Variants in ZFYVE28 observed in about 807,000 individuals in gnomAD.
ZFYVE28 encodes the protein zinc finger FYVE-type containing 28.
ZFYVE28 carries 40 observed loss-of-function variants against 82.1 expected under a neutral mutation model. That is an observed-to-expected ratio of 0.49 (90% CI 0.38 to 0.63). The LOEUF is 0.63. Among genes scored for constraint, ZFYVE28 ranks in the 30% least tolerant of loss-of-function variants. The probability of loss-of-function intolerance (pLI) is 0.00; values close to 1 mark genes in which losing one functional copy is unlikely to be tolerated. For missense variants in ZFYVE28, 1,321 were observed against 1,242.1 expected, an observed-to-expected ratio of 1.06 and a Z score of -0.96; for synonymous variants, 612 against 546.1, an observed-to-expected ratio of 1.12 and a Z score of -1.68.
At chr4:2,345,165 A>C (rs1723356534) in intron 2 of ZFYVE28, among the ~76,000 whole-genome samples, 2 of 152,238 alleles carry the variant, frequency 1.3e-5, no homozygotes, top group South Asian at 4.2e-4. Flanking sequence ...ACACCACTGC[A>C]CTCCAGACTG....
rs1725130179 is a variant in ZFYVE28, at chr4:2,355,264, ATATATAT to A, written c.40-1198_40-1192del. Among the ~76,000 whole-genome samples, 22 of 14,428 alleles carry A rather than the reference ATATATAT, an allele frequency of 1.5e-3. 2 individuals carry two copies. Among genetic ancestry groups the A allele is most frequent in the African/African-American group, 2.0e-3 (6 of 3,072 alleles). The allele number at this position is 14,428 out of a possible 152,430, so 9.5% of individuals were successfully genotyped here. A position where few individuals can be genotyped will look rare whatever the true frequency, so the allele number is the denominator to read the frequency against. ...TATATATATATATATATATATATAT[ATATATAT>A]AATGATTCTTCTTTTTTTTTTTTTT... On this transcript the variant is annotated intron_variant, in intron 1 of 12. Transcript: ENST00000290974.
chr4:2,278,063 A>G (rs1159483916), intron 8 of ZFYVE28, among the ~76,000 whole-genome samples: 4 of 152,218 alleles, frequency 2.6e-5, no homozygotes, highest in South Asian at 2.1e-4. Context: ...GCCAAGACCA[A>G]CCAGGAAAGA....
At chr4:2,350,882 C>T (rs1368306608) in intron 2 of ZFYVE28, among the ~76,000 whole-genome samples, 4 of 152,250 alleles carry the variant, frequency 2.6e-5, no homozygotes, top group East Asian at 1.9e-4. Context: ...GAAGCTCCTG[C>T]CCTTGGGACC....
rs556484921 is a variant in ZFYVE28 at position 2,323,589 on chromosome 4, T to A, written c.702-3318A>T. Reference sequence around the variant, plus strand: ...TTAAGTTTTAGGGTACATGTGCACATTGTGCAGGTTAGTTACATATGTATA... The same window carrying A: ...TTAAGTTTTAGGGTACATGTGCACAATGTGCAGGTTAGTTACATATGTATA... On this transcript the variant is annotated intron_variant, in intron 6 of 12. Coordinates refer to ENST00000290974, the MANE Select transcript of ZFYVE28 (RefSeq NM_020972.3). 2.6e-5 allele frequency among the ~76,000 whole-genome samples: 4 copies of A among 151,908 alleles called. No individual in the cohort carries two copies. In the South Asian group the frequency reaches 6.2e-4, roughly 24 times the overall value.
chr4:2,326,682 A>T (rs938030302), intron 6 of ZFYVE28, among the ~76,000 whole-genome samples: 2 of 152,192 alleles, frequency 1.3e-5, no homozygotes, highest in African/African-American at 4.8e-5. Context: ...AACATGGAAT[A>T]TCTTTGTCTT....
chr4:2,308,683 G>GAAAGAGAGAGAAAGAAAGA (rs1553830775), intron 7 of ZFYVE28, among the ~76,000 whole-genome samples: 3 of 81,512 alleles, frequency 3.7e-5, no homozygotes, highest in Admixed American at 1.3e-4. Flanking sequence ...GAAAGAGAAA[G>GAAAGAGAGAGAAAGAAAGA]AAAGAAAAGA....
At chr4:2,391,893 GC>G (rs1181567333) in intron 1 of ZFYVE28, among the ~76,000 whole-genome samples, 3 of 151,470 alleles carry the variant, frequency 2.0e-5, no homozygotes, top group Non-Finnish European at 4.4e-5. Flanking sequence ...CCACCACCAC[GC>G]CCAGCTAATT....
intron 2 of ZFYVE28, chr4:2,343,319 T>C (rs1041331049): frequency 6.6e-6 from 1 of 152,200 alleles, no homozygotes; most frequent in African/African-American, 2.4e-5. Flanking sequence ...CTTGGCAATT[T>C]TTAATCTCGA....
intron 1 of ZFYVE28, among the ~76,000 whole-genome samples, chr4:2,358,534 G>A (rs1395873901): frequency 6.6e-6 from 1 of 152,202 alleles, no homozygotes; most frequent in Non-Finnish European, 1.5e-5. Context: ...GCAGAAGGCA[G>A]CCTGTGTGCC....
rs1578420828 is a variant in ZFYVE28 at position 2,408,793 on chromosome 4, T to C, written c.39+9492A>G. Among the ~76,000 whole-genome samples, 1 of 151,990 alleles carries C rather than the reference T, an allele frequency of 6.6e-6. No individual in the cohort carries two copies. Among genetic ancestry groups the C allele is most frequent in the East Asian group, 1.9e-4 (1 of 5,184 alleles). The stretch of plus-strand genomic sequence containing the variant: ...GAGTCCTGCCCATATAAGCCCCACC[T>C]AGATGAAGCCACGCCCAGGTGAGCC... On this transcript the variant is annotated intron_variant, in intron 1 of 12. Transcript: ENST00000290974. This position sits in a 1 kb window ranked among gnomAD's most constrained non-coding sequence, Gnocchi z 4.3.
At chr4:2,310,844 C>T (rs111260332) in intron 7 of ZFYVE28, among the ~76,000 whole-genome samples, 56 of 151,902 alleles carry the variant, frequency 3.7e-4, no homozygotes, top group African/African-American at 1.3e-3. Flanking sequence ...TTTTTCTATT[C>T]CCTGAAAGAA....
At chr4:2,309,245 T>C (rs1318656676) in intron 7 of ZFYVE28, among the ~76,000 whole-genome samples, 4 of 152,204 alleles carry the variant, frequency 2.6e-5, no homozygotes, top group Non-Finnish European at 5.9e-5. Context: ...CTCCTGCTTC[T>C]CTGCCACGTT....
At chr4:2,355,882 C>T (rs1258443682) in intron 1 of ZFYVE28, among the ~76,000 whole-genome samples, 1 of 152,172 alleles carries the variant, frequency 6.6e-6, no homozygotes, top group Non-Finnish European at 1.5e-5. Flanking sequence ...CTGGCCTGAA[C>T]CTATTTTTAT....
chr4:2,271,596 C>T (rs1246061137), intron 11 of ZFYVE28, 79 bp downstream of exon 11: 4 of 1,506,828 alleles, frequency 2.7e-6, no homozygotes, highest in Admixed American at 1.7e-5. Flanking sequence ...AGCCCCTCCC[C>T]CAGGAGGAAG....
At position 2,270,598 on chromosome 4, in the gene ZFYVE28, G is replaced by T; in HGVS notation, c.*127C>A. 1 of 1,369,736 alleles carries T rather than the reference G, an allele frequency of 7.3e-7. No individual in the cohort carries two copies. The highest frequency in any genetic ancestry group is 1.0e-6 in the Non-Finnish European group (1 of 993,864). 84.8% of individuals were successfully genotyped at this position (1,369,736 alleles called of 1,614,324 possible). A position where few individuals can be genotyped will look rare whatever the true frequency, so the allele number is the denominator to read the frequency against. ...GCAGGACAGAGGCTCTGGATGCTCT[G>T]GAGGTCTGGGTGCCCCTGCAGCAGC... On this transcript the variant is annotated 3_prime_UTR_variant, in exon 13 of 13. Coordinates refer to ENST00000290974, the MANE Select transcript of ZFYVE28 (RefSeq NM_020972.3).
At chr4:2,406,327 G>A (rs1319892127) in intron 1 of ZFYVE28, among the ~76,000 whole-genome samples, 4 of 152,018 alleles carry the variant, frequency 2.6e-5, no homozygotes, top group East Asian at 1.9e-4. Context: ...AGCCAAGATC[G>A]TGCCACTATA....
In ZFYVE28 at chr4:2,418,269, G is replaced by A. The variant is rs749155420; in HGVS notation, c.39+16C>T. 2.6e-6 allele frequency: 4 copies of A among 1,536,628 alleles called. No individual in the cohort carries two copies. Among genetic ancestry groups the A allele is most frequent in the Non-Finnish European group, 3.5e-6 (4 of 1,140,866 alleles). On this transcript the variant is annotated intron_variant, in intron 1 of 12. Transcript: ENST00000290974. The surrounding 1 kb of genome is among the most constrained non-coding windows in gnomAD (Gnocchi z 4.6). ...CCGCGACGCGGGGGGCGTCCGGCCC[G>A]AGCGGGGCCGCTCACCTTGGGTTTG...
intron 10 of ZFYVE28, among the ~76,000 whole-genome samples, chr4:2,272,964 C>T (rs1162895943): frequency 1.3e-5 from 2 of 152,214 alleles, no homozygotes; most frequent in South Asian, 2.1e-4. Context: ...ACTTCCTGGG[C>T]CTGCTGCTGT....
chr4:2,342,242 G>A (rs918546006), intron 2 of ZFYVE28, among the ~76,000 whole-genome samples: 9 of 152,166 alleles, frequency 5.9e-5, no homozygotes, highest in South Asian at 2.1e-4. Context: ...TTACAGCAAC[G>A]CATAAGTCAG....
Sources: gnomAD v4.1 joint callset for allele counts (sites outside exome capture counted in the v4.1 genomes callset) on GRCh38, gnomAD v4.1.1 for gene constraint, Gnocchi (gnomAD v3.1) non-coding constraint, MANE v1.5 for transcripts, NCBI Gene and HGNC (gene_info 2026-07-23, HGNC 2026-07-21) for gene names.